The following PDE7B variants were observed in gnomAD, a reference collection of about 807,000 sequenced individuals.
PDE7B encodes phosphodiesterase 7B, also known as 3',5'-cyclic-AMP phosphodiesterase 7B.
Under a neutral mutation model 56.2 loss-of-function variants are expected in PDE7B, and 29 were observed. The ratio of observed to expected loss-of-function variants is 0.52; its 90% CI spans 0.38 to 0.70. The LOEUF is 0.70. Ranked by LOEUF, PDE7B falls within the 30% of genes least tolerant of loss-of-function variation. The probability of loss-of-function intolerance (pLI) is 0.00; values close to 1 mark genes in which losing one functional copy is unlikely to be tolerated. For synonymous variants in PDE7B, 197 were observed against 196.9 expected, an observed-to-expected ratio of 1.00 and a Z score of 0.00; for missense variants, 490 against 565.0, an observed-to-expected ratio of 0.87 and a Z score of 1.35.
chr6:136,032,476 T>A (rs1017303501), intron 2 of PDE7B, among the ~76,000 whole-genome samples: 9 of 152,338 alleles, frequency 5.9e-5, no homozygotes, highest in Non-Finnish European at 1.3e-4. Flanking sequence ...TTGTTCTGTA[T>A]CTGTCTATTC....
At chr6:136,155,531 T>C (rs1404439463) in intron 7 of PDE7B, 96 bp from the exon 8 acceptor site, 5 of 1,023,804 alleles carry the variant, frequency 4.9e-6, no homozygotes, top group East Asian at 4.8e-5. Flanking sequence ...GCTTAAACAA[T>C]GCCATGATGA....
chr6:135,926,248 A>G (rs572625850), intron 1 of PDE7B, among the ~76,000 whole-genome samples: 100 of 151,712 alleles, frequency 6.6e-4, no homozygotes, highest in African/African-American at 1.6e-3. Flanking sequence ...CACCACGCCC[A>G]GCTAATTTTT....
At chr6:136,097,758 CA>C (rs1185026232) in intron 2 of PDE7B, among the ~76,000 whole-genome samples, 2 of 151,972 alleles carry the variant, frequency 1.3e-5, no homozygotes, top group Non-Finnish European at 2.9e-5. Flanking sequence ...AACACTTCTC[CA>C]GCCTCATTTT....
intron 1 of PDE7B, among the ~76,000 whole-genome samples, 177 bp downstream of exon 1, chr6:135,852,196 C>T (rs1268697662): frequency 6.6e-6 from 1 of 152,012 alleles, no homozygotes; most frequent in Non-Finnish European, 1.5e-5. Flanking sequence ...ACTGACTAAA[C>T]ATTATCACTT....
At chr6:135,856,378 C>T (rs1775027004) in intron 1 of PDE7B, among the ~76,000 whole-genome samples, 1 of 152,190 alleles carries the variant, frequency 6.6e-6, no homozygotes, top group Non-Finnish European at 1.5e-5. Flanking sequence ...TTCCTAAATG[C>T]CAATCACTGT....
chr6:136,135,951 T>C (rs1395388653), intron 3 of PDE7B, among the ~76,000 whole-genome samples: 1 of 152,158 alleles, frequency 6.6e-6, no homozygotes, highest in African/African-American at 2.4e-5. Flanking sequence ...ACACACAACC[T>C]CTTTAAATTT....
At chr6:135,981,273 G>A (rs1411542566) in intron 2 of PDE7B, among the ~76,000 whole-genome samples, 1 of 128,358 alleles carries the variant, frequency 7.8e-6, no homozygotes, top group African/African-American at 2.9e-5. Context: ...ATCACACTGT[G>A]GGGACTGTTG....
chr6:135,915,776 A>T (rs1009764939), intron 1 of PDE7B, among the ~76,000 whole-genome samples: 3 of 152,176 alleles, frequency 2.0e-5, no homozygotes, highest in Non-Finnish European at 2.9e-5. Flanking sequence ...CTGTTGAAGA[A>T]CTTCATCCAT....
chr6:136,101,334 G>T (rs1335724946), intron 2 of PDE7B, among the ~76,000 whole-genome samples: 1 of 152,186 alleles, frequency 6.6e-6, no homozygotes, highest in Non-Finnish European at 1.5e-5. Flanking sequence ...GTTTCAGAAT[G>T]AATGTTGCCA....
At chr6:135,977,755 A>G (rs1219320070) in intron 2 of PDE7B, among the ~76,000 whole-genome samples, 1 of 152,124 alleles carries the variant, frequency 6.6e-6, no homozygotes, top group Non-Finnish European at 1.5e-5. Context: ...GCTAATTCAG[A>G]TGACCATCTT....
intron 1 of PDE7B, among the ~76,000 whole-genome samples, chr6:135,927,905 G>A (rs1774218288): frequency 6.6e-6 from 1 of 152,038 alleles, no homozygotes; most frequent in Non-Finnish European, 1.5e-5. Context: ...CAAAGGTCTA[G>A]TACCCAGAAT....
chr6:135,996,641 A>C (rs748307443), intron 2 of PDE7B, among the ~76,000 whole-genome samples: 19 of 152,186 alleles, frequency 1.2e-4, no homozygotes, highest in Non-Finnish European at 2.4e-4. Flanking sequence ...TTCTCTTTTT[A>C]ACTCATTCTC....
At chr6:135,979,556 C>T (rs1431779797) in intron 2 of PDE7B, among the ~76,000 whole-genome samples, 3 of 152,038 alleles carry the variant, frequency 2.0e-5, no homozygotes, top group East Asian at 1.9e-4. Flanking sequence ...AATTTCAGAT[C>T]CTGTTATTGG....
chr6:135,917,907 C>T (rs958699077), intron 1 of PDE7B, among the ~76,000 whole-genome samples: 1 of 152,162 alleles, frequency 6.6e-6, no homozygotes, highest in Non-Finnish European at 1.5e-5. Flanking sequence ...TGAGCCCGCT[C>T]TCCTTTGGTT....
chr6:136,041,538 A>G (rs1362805774), intron 2 of PDE7B, among the ~76,000 whole-genome samples: 4 of 152,202 alleles, frequency 2.6e-5, no homozygotes, highest in Non-Finnish European at 5.9e-5. Flanking sequence ...AATAGACTGT[A>G]GGAGGGAATG....
At chr6:135,856,409 T>G (rs771289506) in intron 1 of PDE7B, among the ~76,000 whole-genome samples, 1 of 152,226 alleles carries the variant, frequency 6.6e-6, no homozygotes, top group Non-Finnish European at 1.5e-5. Flanking sequence ...CTATATTACT[T>G]CACTTAATAT....
chr6:136,062,280 A>G (rs902022186), intron 2 of PDE7B, among the ~76,000 whole-genome samples: 1 of 152,226 alleles, frequency 6.6e-6, no homozygotes, highest in Non-Finnish European at 1.5e-5. Context: ...ATGTTTTAAT[A>G]TATGTATACA....
intron 2 of PDE7B, among the ~76,000 whole-genome samples, chr6:136,077,157 G>T (rs574267373): frequency 4.6e-4 from 70 of 152,122 alleles, no homozygotes; most frequent in Non-Finnish European, 8.1e-4. Flanking sequence ...CAGGAGAGAA[G>T]AAAAGAGAAG....
intron 8 of PDE7B, among the ~76,000 whole-genome samples, chr6:136,162,568 T>G (rs543422770): frequency 1.3e-5 from 2 of 152,210 alleles, no homozygotes; most frequent in East Asian, 3.9e-4. Flanking sequence ...CCAAATCTCA[T>G]GTCCTCACAT....
Sources: gnomAD v4.1 joint callset for allele counts (sites outside exome capture counted in the v4.1 genomes callset) on GRCh38, gnomAD v4.1.1 for gene constraint, MANE v1.5 for transcripts, NCBI Gene and HGNC (gene_info 2026-07-23, HGNC 2026-07-21) for gene names.